ERC1: variants seen among roughly 807,000 people sequenced by gnomAD.
The protein encoded by ERC1 is ELKS/RAB6-interacting/CAST family member 1, also known as RAB6 interacting protein 2.
In ERC1, 56 loss-of-function variants were observed where a neutral mutation model predicts 132.0. The ratio of observed to expected loss-of-function variants is 0.42; its 90% CI spans 0.34 to 0.53. The LOEUF (loss-of-function observed/expected upper bound fraction) is 0.53. Among genes scored for constraint, ERC1 ranks in the 20% least tolerant of loss-of-function variants. The probability of loss-of-function intolerance (pLI) is 0.03; values close to 1 mark genes in which losing one functional copy is unlikely to be tolerated. For missense variants in ERC1, 1,202 were observed against 1,349.9 expected (o/e 0.89, Z 1.72); for synonymous variants, 478 against 476.1 (o/e 1.00, Z -0.05).
chr12:1,006,352 A>G lies in ERC1; in HGVS notation c.-157+15030A>G, dbSNP rs1042156340. Among the ~76,000 whole-genome samples the G allele has an allele frequency of 3.9e-5, 6 of 152,006 alleles. No homozygotes were observed. In the South Asian group the frequency reaches 6.2e-4, roughly 16 times the overall value. The stretch of plus-strand genomic sequence containing the variant: ...AGGCTTAATCAATCCTTCTGCTTCA[A>G]CCTTCCAAGTAGCTGGGACTGTAGG... On this transcript the variant is annotated intron_variant, in intron 1 of 18. Coordinates refer to ENST00000360905, the MANE Select transcript of ERC1 (RefSeq NM_178040.4).
intron 12 of ERC1, among the ~76,000 whole-genome samples, chr12:1,221,113 C>T (rs1317051679): frequency 6.6e-6 from 1 of 152,138 alleles, no homozygotes; most frequent in Non-Finnish European, 1.5e-5. Context: ...CTCTTTCTTT[C>T]CAGTGGACAG....
intron 3 of ERC1, among the ~76,000 whole-genome samples, chr12:1,101,762 G>C (rs909005312): frequency 1.1e-4 from 16 of 152,126 alleles, no homozygotes; most frequent in African/African-American, 3.6e-4. Flanking sequence ...TAGATTTTGT[G>C]GGGTATACGT....
intron 1 of ERC1, among the ~76,000 whole-genome samples, chr12:1,004,544 T>C (rs1026536580): frequency 2.6e-5 from 4 of 151,562 alleles, no homozygotes; most frequent in African/African-American, 9.7e-5. Flanking sequence ...GTAGCTGGGA[T>C]TACAGGTGCC....
At chr12:1,147,705 C>A (rs1950508141) in intron 8 of ERC1, among the ~76,000 whole-genome samples, 1 of 152,070 alleles carries the variant, frequency 6.6e-6, no homozygotes, top group Admixed American at 6.5e-5. Context: ...TAAAATTTCG[C>A]TGGTTATTGC....
At chr12:1,214,842 TA>T (rs1958245774) in intron 12 of ERC1, among the ~76,000 whole-genome samples, 1 of 152,052 alleles carries the variant, frequency 6.6e-6, no homozygotes. Flanking sequence ...ATGTCATAAA[TA>T]AAAAAGATAA....
chr12:1,278,444 A>G (rs910432841), intron 14 of ERC1, among the ~76,000 whole-genome samples: 2 of 152,184 alleles, frequency 1.3e-5, no homozygotes, highest in African/African-American at 4.8e-5. Context: ...TGAATGTCCA[A>G]AAAAAGAGTT....
chr12:1,483,501 G>A (rs78865037), intron 18 of ERC1, among the ~76,000 whole-genome samples: 2,996 of 151,984 alleles, frequency 0.02, 91 homozygotes, highest in African/African-American at 0.069. Context: ...TCTTAAGGTC[G>A]TAGAGTATCA....
At chr12:1,275,056 A>G (rs780380339) in intron 14 of ERC1, among the ~76,000 whole-genome samples, 7 of 152,238 alleles carry the variant, frequency 4.6e-5, no homozygotes, top group Non-Finnish European at 7.3e-5. Flanking sequence ...ATGGTGTGGC[A>G]TGAAACTGGA....
intron 2 of ERC1, among the ~76,000 whole-genome samples, chr12:1,080,576 A>G (rs968649835): frequency 6.6e-6 from 1 of 152,138 alleles, no homozygotes; most frequent in African/African-American, 2.4e-5. Context: ...GGGCCATAGG[A>G]GGAGGTAATT....
At chr12:1,396,240 T>C (rs1380970735) in intron 16 of ERC1, among the ~76,000 whole-genome samples, 2 of 152,210 alleles carry the variant, frequency 1.3e-5, no homozygotes, top group Non-Finnish European at 2.9e-5. Context: ...TCTATTTTTG[T>C]TTAATACAAA....
chr12:1,435,712 C>G (rs192271096), intron 17 of ERC1, among the ~76,000 whole-genome samples: 245 of 152,304 alleles, frequency 1.6e-3, no homozygotes, highest in African/African-American at 5.6e-3. Flanking sequence ...CATTCTTAAA[C>G]ACCAAATCAC....
intron 17 of ERC1, among the ~76,000 whole-genome samples, chr12:1,441,009 T>C (rs59671342): frequency 0.042 from 6,393 of 152,092 alleles, 248 homozygotes; most frequent in African/African-American, 0.095. Context: ...GATGCCATCA[T>C]GTTTATTTAA....
chr12:1,167,753 G>T (rs1222579702), intron 8 of ERC1, among the ~76,000 whole-genome samples: 2 of 142,152 alleles, frequency 1.4e-5, no homozygotes, highest in African/African-American at 5.3e-5. Flanking sequence ...GTCTCGCTCT[G>T]TTGCCCAGGC....
At chr12:1,481,655 A>G (rs1340456882) in intron 18 of ERC1, among the ~76,000 whole-genome samples, 1 of 152,202 alleles carries the variant, frequency 6.6e-6, no homozygotes, top group African/African-American at 2.4e-5. Context: ...CAGCTAGTGA[A>G]GGAACACTTC....
At chr12:1,336,194 A>G (rs2083297727) in intron 15 of ERC1, among the ~76,000 whole-genome samples, 1 of 151,630 alleles carries the variant, frequency 6.6e-6, no homozygotes, top group Admixed American at 6.6e-5. Context: ...TTTTTTTTTA[A>G]AAAATAAACT....
intron 14 of ERC1, among the ~76,000 whole-genome samples, chr12:1,271,331 G>T (rs2077839027): frequency 6.6e-6 from 1 of 152,114 alleles, no homozygotes; most frequent in African/African-American, 2.4e-5. Context: ...ACGTCTTTTG[G>T]AAATAGAGCT....
chr12:1,479,464 A>G (rs1260617022), intron 18 of ERC1, among the ~76,000 whole-genome samples: 1 of 152,190 alleles, frequency 6.6e-6, no homozygotes, highest in East Asian at 1.9e-4. Context: ...TATGGTTTCA[A>G]TATAGAGGCT....
intron 18 of ERC1, among the ~76,000 whole-genome samples, chr12:1,475,970 A>C (rs1158929922): frequency 6.6e-6 from 1 of 150,924 alleles, no homozygotes; most frequent in African/African-American, 2.4e-5. Flanking sequence ...ATCTCTTTAA[A>C]AAAAAAAAAA....
chr12:1,003,739 C>A (rs1962917936), intron 1 of ERC1, among the ~76,000 whole-genome samples: 1 of 152,202 alleles, frequency 6.6e-6, no homozygotes, highest in African/African-American at 2.4e-5. Context: ...GGCAAAGACA[C>A]AGAGAGCCTC....
Sources: gnomAD v4.1 joint callset for allele counts (sites outside exome capture counted in the v4.1 genomes callset) on GRCh38, gnomAD v4.1.1 for gene constraint, MANE v1.5 for transcripts, NCBI Gene and HGNC (gene_info 2026-07-23, HGNC 2026-07-21) for gene names.